CALD1: variants seen among roughly 807,000 people sequenced by gnomAD.
The protein encoded by CALD1 is caldesmon.
CALD1 carries 33 observed loss-of-function variants against 99.9 expected under a neutral mutation model. The ratio of observed to expected loss-of-function variants is 0.33; its 90% CI spans 0.25 to 0.44. The LOEUF is 0.44. Among genes scored for constraint, CALD1 ranks in the 20% least tolerant of loss-of-function variants. The pLI is 1.00. For missense variants in CALD1, 861 were observed against 962.1 expected (o/e 0.89, Z 1.39); for synonymous variants, 310 against 325.0 (o/e 0.95, Z 0.50).
chr7:134,728,440 T>C, the CALD1 span, among the ~76,000 whole-genome samples: 1 of 152,214 alleles, frequency 6.6e-6, no homozygotes, highest in Non-Finnish European at 1.5e-5. Context: ...GAACATAGTT[T>C]GGACAGTGGC....
chr7:134,873,680 G>A (rs1563059550), intron 3 of CALD1, among the ~76,000 whole-genome samples: 1 of 152,086 alleles, frequency 6.6e-6, no homozygotes, highest in Admixed American at 6.5e-5. Flanking sequence ...CTTTAGCACT[G>A]GGCAGCTATA....
chr7:134,843,176 A>T (rs1799718440), intron 1 of CALD1, among the ~76,000 whole-genome samples: 1 of 152,140 alleles, frequency 6.6e-6, no homozygotes. Context: ...ACCTTTGGCA[A>T]CTGCTTCTGA....
chr7:134,879,929 C>T (rs34166747), intron 3 of CALD1, among the ~76,000 whole-genome samples: 3 of 152,148 alleles, frequency 2.0e-5, no homozygotes, highest in Non-Finnish European at 2.9e-5. Context: ...AAGTACACAT[C>T]GGTCACTATA....
intron 3 of CALD1, among the ~76,000 whole-genome samples, chr7:134,926,391 G>A (rs1805019905): frequency 6.6e-6 from 1 of 151,886 alleles, no homozygotes; most frequent in Non-Finnish European, 1.5e-5. Context: ...ATATCACATT[G>A]CCCCCCCATA....
At chr7:134,742,030 C>CACAG (rs1439590073), upstream of CALD1, among the ~76,000 whole-genome samples, 89 of 151,692 alleles carry the variant, frequency 5.9e-4, 1 homozygote, top group African/African-American at 2.1e-3. Flanking sequence ...CACACACACA[C>CACAG]ACACACACAC....
At chr7:134,848,199 C>T (rs571520933) in intron 2 of CALD1, among the ~76,000 whole-genome samples, 172 of 152,002 alleles carry the variant, frequency 1.1e-3, no homozygotes, top group Middle Eastern at 6.8e-3. Context: ...ATAGACGTTT[C>T]CTAGAGGAAA....
At chr7:134,866,223 G>A (rs923098696) in intron 2 of CALD1, among the ~76,000 whole-genome samples, 1 of 152,076 alleles carries the variant, frequency 6.6e-6, no homozygotes, top group Non-Finnish European at 1.5e-5. Context: ...GATAATTACA[G>A]ACTAGATTGG....
intron 3 of CALD1, among the ~76,000 whole-genome samples, chr7:134,901,845 G>A (rs569431462): frequency 6.6e-6 from 1 of 152,182 alleles, no homozygotes; most frequent in South Asian, 2.1e-4. Context: ...CTGTGTTTGT[G>A]TCCAAAGGGC....
the CALD1 span, among the ~76,000 whole-genome samples, chr7:134,726,727 A>G: frequency 6.6e-6 from 1 of 152,106 alleles, no homozygotes; most frequent in Non-Finnish European, 1.5e-5. Flanking sequence ...TGATTTCAGC[A>G]GAAAAAGCAT....
intron 1 of CALD1, among the ~76,000 whole-genome samples, chr7:134,772,095 C>CT (rs11427929): frequency 0.56 from 77,431 of 138,020 alleles, 22,098 homozygotes; most frequent in East Asian, 0.71. Flanking sequence ...AATAAATGAA[C>CT]TTTTTTTTTT....
chr7:134,744,411 G>A, intron 1 of CALD1: 1 of 150,026 alleles, frequency 6.7e-6, no homozygotes, highest in Admixed American at 6.7e-5. Context: ...CTTTAAAGTT[G>A]GTTTTAAACA....
chr7:134,724,059 C>T, the CALD1 span, among the ~76,000 whole-genome samples: 11 of 152,172 alleles, frequency 7.2e-5, no homozygotes, highest in African/African-American at 2.7e-4. Context: ...GTTTGCTATG[C>T]GGCAGCAGGA....
At chr7:134,885,660 G>C (rs1372275853) in intron 3 of CALD1, among the ~76,000 whole-genome samples, 1 of 152,128 alleles carries the variant, frequency 6.6e-6, no homozygotes, top group Non-Finnish European at 1.5e-5. Context: ...TTGAAGATTT[G>C]ACCTTTTCTT....
intron 3 of CALD1, among the ~76,000 whole-genome samples, chr7:134,917,228 A>G (rs990840557): frequency 1.3e-5 from 2 of 152,226 alleles, no homozygotes; most frequent in Non-Finnish European, 2.9e-5. Flanking sequence ...GATGCACATT[A>G]AAGCAAAATT....
At chr7:134,894,207 G>A (rs953911800) in intron 3 of CALD1, among the ~76,000 whole-genome samples, 2 of 152,184 alleles carry the variant, frequency 1.3e-5, no homozygotes, top group African/African-American at 2.4e-5. Context: ...ACTAAAAGGG[G>A]AAGGCTTTGA....
At chr7:134,795,737 T>C (rs983728508) in intron 1 of CALD1, among the ~76,000 whole-genome samples, 2 of 152,188 alleles carry the variant, frequency 1.3e-5, no homozygotes, top group African/African-American at 2.4e-5. Flanking sequence ...TTGTGCTTTA[T>C]CCATGGTGGC....
At chr7:134,717,951 C>G in the CALD1 span, among the ~76,000 whole-genome samples, 30 of 152,114 alleles carry the variant, frequency 2.0e-4, no homozygotes, top group Non-Finnish European at 4.4e-4. Flanking sequence ...TAGATGGTTT[C>G]TAGATAAAAG....
chr7:134,900,843 C>A (rs1389829881), intron 3 of CALD1, among the ~76,000 whole-genome samples: 1 of 152,034 alleles, frequency 6.6e-6, no homozygotes, highest in Non-Finnish European at 1.5e-5. Flanking sequence ...CCCCAAAGAC[C>A]CCCGAAGAGA....
intron 1 of CALD1, among the ~76,000 whole-genome samples, chr7:134,802,207 C>T (rs1049679271): frequency 6.6e-6 from 1 of 151,826 alleles, no homozygotes; most frequent in Non-Finnish European, 1.5e-5. Flanking sequence ...ATATATACAT[C>T]TGTCTATATA....
Sources: allele counts gnomAD v4.1 joint callset (sites outside exome capture counted in the v4.1 genomes callset), GRCh38; gene constraint gnomAD v4.1.1; transcripts MANE v1.5; gene names NCBI Gene and HGNC (gene_info 2026-07-23, HGNC 2026-07-21).